The following VPS50 variants were observed in gnomAD, a reference collection of about 807,000 sequenced individuals.
VPS50 encodes the protein syndetin.
In VPS50, 70 loss-of-function variants were observed where a neutral mutation model predicts 139.7. The observed-to-expected ratio is 0.50, with a 90% CI of 0.41 to 0.61. The LOEUF (loss-of-function observed/expected upper bound fraction) is 0.61, where lower values mean the gene tolerates loss of function less well. Among genes scored for constraint, VPS50 ranks in the 20% least tolerant of loss-of-function variants. The pLI, the probability that VPS50 is intolerant of heterozygous loss-of-function variation, is 0.00. For synonymous variants in VPS50, 365 were observed against 376.7 expected (o/e 0.97, Z 0.36); for missense variants, 921 against 1,133.7 (o/e 0.81, Z 2.69).
At chr7:93,272,513 G>A (rs917045090) in intron 10 of VPS50, 122 bp from the exon 11 acceptor site, 19 of 444,966 alleles carry the variant, frequency 4.3e-5, no homozygotes, top group Non-Finnish European at 7.2e-5. Context: ...TCTAAATCTG[G>A]TATGATAGTA....
chr7:93,342,359 G>A (rs1341406234), intron 23 of VPS50, among the ~76,000 whole-genome samples: 1 of 152,190 alleles, frequency 6.6e-6, no homozygotes, highest in African/African-American at 2.4e-5. Context: ...TGCTAGCACA[G>A]CAGTCTGAGA....
At chr7:93,331,140 A>G (rs996961677) in intron 21 of VPS50, among the ~76,000 whole-genome samples, 12 of 152,070 alleles carry the variant, frequency 7.9e-5, no homozygotes, top group African/African-American at 2.9e-4. Context: ...GAGATACACC[A>G]TGTGCATATA....
intron 23 of VPS50, among the ~76,000 whole-genome samples, chr7:93,347,934 A>G (rs1798448845): frequency 6.6e-6 from 1 of 151,864 alleles, no homozygotes; most frequent in African/African-American, 2.4e-5. Flanking sequence ...TATGTAAGTA[A>G]CCTGCACATT....
At chr7:93,324,560 TTGGTTCTGTTTATA>T (rs1416128161) in intron 21 of VPS50, among the ~76,000 whole-genome samples, 1 of 152,228 alleles carries the variant, frequency 6.6e-6, no homozygotes, top group Non-Finnish European at 1.5e-5. Context: ...GTTTTTGTCT[TTGGTTCTGTTTATA>T]TGCTGGATTA....
chr7:93,332,007 AG>A (rs1482725480), intron 21 of VPS50, among the ~76,000 whole-genome samples: 1 of 152,264 alleles, frequency 6.6e-6, no homozygotes, highest in Non-Finnish European at 1.5e-5. Flanking sequence ...GCATGTTAAA[AG>A]CACATTGCAA....
intron 21 of VPS50, among the ~76,000 whole-genome samples, chr7:93,332,300 T>C (rs9918592): frequency 0.49 from 74,725 of 152,058 alleles, 20,372 homozygotes; most frequent in African/African-American, 0.73. Flanking sequence ...TGGAAGGAGA[T>C]AGTAAGCTCT....
intron 18 of VPS50, 30 bp downstream of exon 18, chr7:93,306,034 T>G (rs1797106709): frequency 6.6e-7 from 1 of 1,521,902 alleles, no homozygotes; most frequent in South Asian, 1.1e-5. Context: ...CATAAGTGAG[T>G]TTTTTTTATT....
intron 20 of VPS50, among the ~76,000 whole-genome samples, chr7:93,314,918 A>G (rs2116999560): frequency 6.6e-6 from 1 of 152,134 alleles, no homozygotes; most frequent in Admixed American, 6.6e-5. Context: ...ATTCTTTATC[A>G]TTGAGCATTT....
chr7:93,327,837 A>G (rs1346889881), intron 21 of VPS50, among the ~76,000 whole-genome samples: 2 of 152,104 alleles, frequency 1.3e-5, no homozygotes, highest in African/African-American at 4.8e-5. Context: ...GGGGAGGGGG[A>G]ATCAGGTAAT....
intron 12 of VPS50, among the ~76,000 whole-genome samples, chr7:93,278,435 A>C (rs1796224012): frequency 7.4e-6 from 1 of 134,522 alleles, no homozygotes; most frequent in South Asian, 2.1e-4. Flanking sequence ...TAAAAATACA[A>C]AAAAAAAAAA....
intron 2 of VPS50, 58 bp from the exon 3 acceptor site, chr7:93,252,595 A>G (rs1795366819): frequency 8.9e-7 from 1 of 1,120,414 alleles, no homozygotes; most frequent in Non-Finnish European, 1.3e-6. Flanking sequence ...ATTTATTTCC[A>G]TGCAGATATA....
At chr7:93,271,659 T>G (rs1185426049) in intron 10 of VPS50, among the ~76,000 whole-genome samples, 1 of 151,712 alleles carries the variant, frequency 6.6e-6, no homozygotes, top group African/African-American at 2.4e-5. Context: ...CCAAAATTCC[T>G]AAACCTCATA....
rs560692901 is a variant in VPS50, at chr7:93,355,891, A to G, written c.2586A>G (p.Gly862=). 37 of 1,546,586 alleles carry G rather than the reference A, an allele frequency of 2.4e-5. No individual in the cohort carries two copies. The South Asian group carries it at 3.6e-4, about 15-fold the overall frequency. ...TTTTTTTTATTGTTTTGCATCTTAG[A>G]TATGCCAATGTCAAGAAATGCAGTA... is the stretch of plus-strand genomic sequence containing the variant. ...IRLANRTIVE[G]YANVKKCSNE... is the part of the protein sequence containing the mutation. The change falls in exon 27 of 28, where the codon GGA becomes GGG. Residue 862 remains glycine, a splice_region_variant and synonymous_variant. Coordinates refer to ENST00000305866, the MANE Select transcript of VPS50 (RefSeq NM_017667.4).
At position 93,305,865 on chromosome 7, in the gene VPS50, T is replaced by C. The variant is rs765929974; in HGVS notation, c.1490T>C (p.Val497Ala). Residue 497 changes from valine (V) to alanine (A), a missense_variant, in exon 18 of 28, where the codon GTT becomes GCT. Around this residue, in one of 3 missense-constraint regions of VPS50, gnomAD observed 744 missense variants for 930.6 expected, o/e 0.80. Transcript: ENST00000305866. ...ATGGAACAGTCTCGCTCCCCATCAGTTTCACCTAGTAAACAGCCAGTCTCA... is the reference window on the plus strand; with the variant it reads ...ATGGAACAGTCTCGCTCCCCATCAGCTTCACCTAGTAAACAGCCAGTCTCA... Reference protein sequence around the residue: ...KFMEQSRSPSVSPSKQPVSTS... With the variant: ...KFMEQSRSPSASPSKQPVSTS... 2 of 1,612,724 alleles carry C rather than the reference T, an allele frequency of 1.2e-6. No individual in the cohort carries two copies. The highest frequency in any genetic ancestry group is 1.1e-5 in the South Asian group (1 of 91,042).
At chr7:93,274,088 C>A (rs1298104405) in intron 11 of VPS50, among the ~76,000 whole-genome samples, 1 of 152,010 alleles carries the variant, frequency 6.6e-6, no homozygotes, top group Non-Finnish European at 1.5e-5. Flanking sequence ...TCTTTTTGGA[C>A]CTTTCTATTC....
intron 10 of VPS50, among the ~76,000 whole-genome samples, 193 bp downstream of exon 10, chr7:93,271,455 C>T (rs566058578): frequency 6.6e-6 from 1 of 151,660 alleles, no homozygotes; most frequent in Admixed American, 6.6e-5. Context: ...TATGGGATCT[C>T]AAAACAGCAT....
chr7:93,318,983 G>A (rs975947026), intron 20 of VPS50, among the ~76,000 whole-genome samples: 9 of 152,042 alleles, frequency 5.9e-5, no homozygotes, highest in African/African-American at 1.9e-4. Context: ...AAAAGCAAGA[G>A]GAAAAATGAT....
At chr7:93,249,734 A>T (rs979681382) in intron 2 of VPS50, among the ~76,000 whole-genome samples, 7 of 152,158 alleles carry the variant, frequency 4.6e-5, no homozygotes, top group African/African-American at 1.7e-4. Flanking sequence ...CTCAGCTTAC[A>T]GTATATGAAG....
intron 2 of VPS50, 23 bp downstream of exon 2, chr7:93,239,957 G>T (rs376337325): frequency 1.4e-6 from 2 of 1,435,374 alleles, no homozygotes; most frequent in Admixed American, 3.4e-5. Context: ...ACGTGTGAGC[G>T]TGACTTTTTA....
Sources: gnomAD v4.1 joint callset for allele counts (sites outside exome capture counted in the v4.1 genomes callset) on GRCh38, gnomAD v4.1.1 for gene constraint, gnomAD v4.1.1 regional missense constraint, MANE v1.5 for transcripts, NCBI Gene and HGNC (gene_info 2026-07-23, HGNC 2026-07-21) for gene names.